The following DRC10 variants were observed in gnomAD, a reference collection of about 807,000 sequenced individuals.
The protein encoded by DRC10 is dynein regulatory complex subunit 10, also known as IQ domain-containing protein D.
the DRC10 span, among the ~76,000 whole-genome samples, chr12:113,218,206 G>A: frequency 8.0e-5 from 12 of 150,702 alleles, no homozygotes; most frequent in East Asian, 2.0e-3. Flanking sequence ...GCGTGATCTC[G>A]GCTCACTGCA....
At chr12:113,197,211 T>TA in the DRC10 span, among the ~76,000 whole-genome samples, 2 of 136,772 alleles carry the variant, frequency 1.5e-5, no homozygotes, top group Non-Finnish European at 3.1e-5. Flanking sequence ...TTTTTTTTTT[T>TA]AAATTAATAG....
the DRC10 span, chr12:113,200,441 TCCA>T: frequency 1.3e-6 from 1 of 780,446 alleles, no homozygotes; most frequent in Non-Finnish European, 2.2e-6. Context: ...GCCCTTCCCC[TCCA>T]CCAAGCCACT....
chr12:113,216,038 T>C, the DRC10 span, among the ~76,000 whole-genome samples: 1 of 152,214 alleles, frequency 6.6e-6, no homozygotes, highest in African/African-American at 2.4e-5. Flanking sequence ...TGAAAACTCA[T>C]GTGCACACAA....
the DRC10 span, chr12:113,195,791 C>G: frequency 6.2e-7 from 1 of 1,614,038 alleles, no homozygotes; most frequent in Non-Finnish European, 8.5e-7. Context: ...CTTCCCGGAT[C>G]TGCGCAAACT....
chr12:113,209,330 A>G, the DRC10 span, among the ~76,000 whole-genome samples: 1 of 152,246 alleles, frequency 6.6e-6, no homozygotes, highest in Admixed American at 6.5e-5. Context: ...GAGTGGAAAA[A>G]GGACATTAGT....
the DRC10 span, among the ~76,000 whole-genome samples, chr12:113,215,604 A>G: frequency 4.6e-5 from 7 of 152,132 alleles, no homozygotes; most frequent in African/African-American, 1.7e-4. Flanking sequence ...GTTCCCTTAA[A>G]TCACTCCCCA....
the DRC10 span, chr12:113,200,284 G>T: frequency 1.8e-6 from 1 of 562,606 alleles, no homozygotes; most frequent in Non-Finnish European, 3.3e-6. Flanking sequence ...GGTCTCAGGA[G>T]TTGAGGAACT....
the DRC10 span, among the ~76,000 whole-genome samples, chr12:113,198,091 C>T: frequency 6.6e-6 from 1 of 152,190 alleles, no homozygotes; most frequent in African/African-American, 2.4e-5. Flanking sequence ...GTGATGCACA[C>T]CTGTAATCTC....
the DRC10 span, among the ~76,000 whole-genome samples, chr12:113,215,571 T>C: frequency 1.3e-5 from 2 of 152,216 alleles, no homozygotes; most frequent in Non-Finnish European, 2.9e-5. Flanking sequence ...CATGTTCTCC[T>C]GTTAGTGACC....
At chr12:113,218,130 C>A in the DRC10 span, among the ~76,000 whole-genome samples, 2 of 151,198 alleles carry the variant, frequency 1.3e-5, no homozygotes, top group Admixed American at 6.6e-5. Context: ...GGTTGAAAAA[C>A]CCTGACCTTT....
At chr12:113,200,303 G>T in the DRC10 span, 1 of 602,934 alleles carries the variant, frequency 1.7e-6, no homozygotes, top group Non-Finnish European at 3.1e-6. Flanking sequence ...CTTGCCCAAG[G>T]TCACAAAGCT....
At chr12:113,197,379 C>T in the DRC10 span, among the ~76,000 whole-genome samples, 1 of 151,956 alleles carries the variant, frequency 6.6e-6, no homozygotes, top group South Asian at 2.1e-4. Context: ...TCACTCTGCC[C>T]CAGGCTGGAC....
the DRC10 span, chr12:113,207,867 G>C: frequency 1.2e-6 from 2 of 1,614,128 alleles, 1 homozygote; most frequent in South Asian, 2.2e-5. Flanking sequence ...TTTCAAGGAG[G>C]ACCTGGCAGA....
At chr12:113,208,360 G>A in the DRC10 span, 3 of 1,401,980 alleles carry the variant, frequency 2.1e-6, no homozygotes, top group East Asian at 5.2e-5. Context: ...GTTCATCTTA[G>A]GTCCTCTGTC....
At chr12:113,196,648 C>G in the DRC10 span, among the ~76,000 whole-genome samples, 2 of 152,222 alleles carry the variant, frequency 1.3e-5, no homozygotes, top group African/African-American at 2.4e-5. Context: ...CTGACTTGCC[C>G]TTCTCTGAAG....
the DRC10 span, among the ~76,000 whole-genome samples, chr12:113,205,276 T>C: frequency 6.6e-6 from 1 of 151,452 alleles, no homozygotes; most frequent in Admixed American, 6.6e-5. Flanking sequence ...CTCACGCCTA[T>C]AATCCCAGCA....
chr12:113,216,814 TCTTTGGGATTACAGGA>T, the DRC10 span, among the ~76,000 whole-genome samples: 1 of 152,096 alleles, frequency 6.6e-6, no homozygotes, highest in Admixed American at 6.6e-5. Flanking sequence ...ACTCCTGTAA[TCTTTGGGATTACAGGA>T]CTTTGGGAGC....
the DRC10 span, among the ~76,000 whole-genome samples, chr12:113,205,897 C>T: frequency 1.5e-4 from 17 of 110,742 alleles, no homozygotes; most frequent in East Asian, 5.3e-4. Flanking sequence ...AGCGAGACTC[C>T]GTCTCAAAAA....
chr12:113,206,490 A>G, the DRC10 span, among the ~76,000 whole-genome samples: 921 of 152,222 alleles, frequency 6.1e-3, 9 homozygotes, highest in African/African-American at 0.021. Context: ...GTTCCAGCCA[A>G]TGGAAACTGG....
Sources: gnomAD v4.1 joint callset for allele counts (sites outside exome capture counted in the v4.1 genomes callset) on GRCh38, gnomAD v4.1.1 for gene constraint, MANE v1.5 for transcripts, NCBI Gene and HGNC (gene_info 2026-07-23, HGNC 2026-07-21) for gene names.